CFAP299: variants seen among roughly 807,000 people sequenced by gnomAD.
CFAP299 encodes cilia and flagella associated protein 299, also known as cilia- and flagella-associated protein 299.
CFAP299 carries 21 observed loss-of-function variants against 27.0 expected under a neutral mutation model. That is an observed-to-expected ratio of 0.78 (90% confidence interval 0.55 to 1.12). The LOEUF (loss-of-function observed/expected upper bound fraction) is 1.12. Ranked by LOEUF, CFAP299 falls within the 50% of genes most tolerant of loss-of-function variation. The pLI, the probability that CFAP299 is intolerant of heterozygous loss-of-function variation, is 0.00. For synonymous variants in CFAP299, 104 were observed against 98.1 expected (o/e 1.06, Z -0.36); for missense variants, 310 against 276.6 (o/e 1.12, Z -0.86).
intron 3 of CFAP299, among the ~76,000 whole-genome samples, chr4:80,720,222 G>C (rs1183186735): frequency 6.6e-6 from 1 of 152,178 alleles, no homozygotes; most frequent in Non-Finnish European, 1.5e-5. Context: ...CTGAGTATCA[G>C]TGATACGTAA....
At chr4:80,456,956 G>T (rs1343077945) in intron 2 of CFAP299, among the ~76,000 whole-genome samples, 1 of 151,434 alleles carries the variant, frequency 6.6e-6, no homozygotes, top group African/African-American at 2.4e-5. Flanking sequence ...AGTATTTTGA[G>T]GAAGAGGAGA....
chr4:80,393,109 T>C (rs765630681), intron 2 of CFAP299, among the ~76,000 whole-genome samples: 41 of 152,318 alleles, frequency 2.7e-4, no homozygotes, highest in Non-Finnish European at 5.1e-4. Context: ...ATAATGTTTA[T>C]GTCTTAGTTT....
intron 3 of CFAP299, among the ~76,000 whole-genome samples, chr4:80,784,945 T>C (rs1387351338): frequency 6.6e-6 from 1 of 152,228 alleles, no homozygotes; most frequent in Non-Finnish European, 1.5e-5. Context: ...TTTTGGATAT[T>C]AATCCATTAT....
At chr4:80,469,968 T>C (rs374295950) in intron 2 of CFAP299, among the ~76,000 whole-genome samples, 49 of 152,246 alleles carry the variant, frequency 3.2e-4, no homozygotes, top group South Asian at 2.1e-3. Context: ...GGTGTATCAT[T>C]TGACTGAGTA....
chr4:80,488,720 C>T (rs1038349018), intron 2 of CFAP299, among the ~76,000 whole-genome samples: 1 of 152,182 alleles, frequency 6.6e-6, no homozygotes, highest in African/African-American at 2.4e-5. Context: ...TTGTGATCCG[C>T]CCACCTTGGC....
intron 3 of CFAP299, among the ~76,000 whole-genome samples, chr4:80,596,853 C>T (rs1578651147): frequency 6.6e-6 from 1 of 152,022 alleles, no homozygotes; most frequent in African/African-American, 2.4e-5. Flanking sequence ...TATTTTCTGA[C>T]TTTTTAAACT....
chr4:80,689,035 G>C (rs1720445838), intron 3 of CFAP299, among the ~76,000 whole-genome samples: 2 of 152,198 alleles, frequency 1.3e-5, no homozygotes, highest in Admixed American at 6.5e-5. Context: ...AGAAATATGG[G>C]ACTATGTGAA....
In CFAP299 at chr4:80,694,319, C is replaced by T. The variant is rs78117662; in HGVS notation, c.333+111136C>T. On this transcript the variant is annotated intron_variant, in intron 3 of 5. Coordinates refer to ENST00000358105, the MANE Select transcript of CFAP299 (RefSeq NM_152770.3). Reference sequence around the variant, plus strand: ...CCAATTCTAAAGAAAAGCAAAAGCTCAACACCCATGCCACCTGACTGAGAG... The same window carrying T: ...CCAATTCTAAAGAAAAGCAAAAGCTTAACACCCATGCCACCTGACTGAGAG... Among the ~76,000 whole-genome samples, 9 of 152,308 alleles carry T rather than the reference C, an allele frequency of 5.9e-5. No homozygotes were observed. The East Asian group carries it at 1.7e-3, about 29-fold the overall frequency.
chr4:80,745,933 C>T (rs1031787753), intron 3 of CFAP299, among the ~76,000 whole-genome samples: 9 of 151,966 alleles, frequency 5.9e-5, no homozygotes, highest in South Asian at 2.1e-4. Context: ...ATTTGTCTGA[C>T]GTGTTTCTTG....
the CFAP299 span, among the ~76,000 whole-genome samples, chr4:80,322,521 T>C: frequency 2.7e-5 from 4 of 149,770 alleles, no homozygotes; most frequent in African/African-American, 9.8e-5. Context: ...CTTAAAATAC[T>C]TTTTTTTTTC....
At chr4:80,651,163 G>A (rs1037535842) in intron 3 of CFAP299, among the ~76,000 whole-genome samples, 2 of 151,776 alleles carry the variant, frequency 1.3e-5, no homozygotes, top group Non-Finnish European at 2.9e-5. Flanking sequence ...TTTTCTCCTT[G>A]TTACTTGCTT....
intron 3 of CFAP299, among the ~76,000 whole-genome samples, chr4:80,628,024 C>T (rs1487329239): frequency 2.0e-5 from 3 of 151,844 alleles, no homozygotes; most frequent in Admixed American, 2.0e-4. Context: ...TCCTGAAAAG[C>T]CAAAGCATTT....
intron 4 of CFAP299, among the ~76,000 whole-genome samples, chr4:80,914,325 G>C (rs1318937232): frequency 6.6e-6 from 1 of 152,038 alleles, no homozygotes; most frequent in African/African-American, 2.4e-5. Context: ...CCACATCCTA[G>C]TCATCTTTGG....
At chr4:80,855,394 T>TTTTA (rs750688866) in intron 3 of CFAP299, among the ~76,000 whole-genome samples, 14 of 151,846 alleles carry the variant, frequency 9.2e-5, no homozygotes, top group Non-Finnish European at 1.8e-4. Context: ...CTTATTTTCT[T>TTTTA]TTTATTTATT....
chr4:80,572,123 A>G (rs543930659), intron 2 of CFAP299, among the ~76,000 whole-genome samples: 2 of 152,268 alleles, frequency 1.3e-5, no homozygotes, highest in Middle Eastern at 6.8e-3. Flanking sequence ...TGCAGAGTAA[A>G]TGGGGTATCA....
chr4:80,741,281 C>T (rs1409666872), intron 3 of CFAP299, among the ~76,000 whole-genome samples: 1 of 152,122 alleles, frequency 6.6e-6, no homozygotes, highest in East Asian at 1.9e-4. Flanking sequence ...TGGAGTCTTG[C>T]TCTGTCGCCC....
chr4:80,901,067 A>C (rs1734865036), intron 4 of CFAP299, among the ~76,000 whole-genome samples: 1 of 152,094 alleles, frequency 6.6e-6, no homozygotes, highest in African/African-American at 2.4e-5. Flanking sequence ...TTACAGCATA[A>C]CTCATCACCA....
chr4:80,783,699 G>A (rs977800374), intron 3 of CFAP299, among the ~76,000 whole-genome samples: 2 of 151,730 alleles, frequency 1.3e-5, no homozygotes, highest in African/African-American at 4.8e-5. Flanking sequence ...AACATCACTG[G>A]GTTCTAAAAT....
chr4:80,556,554 C>G (rs913004917), intron 2 of CFAP299, among the ~76,000 whole-genome samples: 3 of 151,926 alleles, frequency 2.0e-5, no homozygotes, highest in Non-Finnish European at 4.4e-5. Flanking sequence ...GACAGTACTT[C>G]CTGTATAATT....
Sources: gnomAD v4.1 joint callset for allele counts (sites outside exome capture counted in the v4.1 genomes callset) on GRCh38, gnomAD v4.1.1 for gene constraint, MANE v1.5 for transcripts, NCBI Gene and HGNC (gene_info 2026-07-23, HGNC 2026-07-21) for gene names.